The following VAMP7 variants were observed in gnomAD, a reference collection of about 807,000 sequenced individuals.
VAMP7 encodes vesicle-associated membrane protein 7.
A neutral mutation model predicts 29.6 loss-of-function variants in VAMP7; 14 were observed. That is an observed-to-expected ratio of 0.47 (90% CI 0.31 to 0.74). VAMP7 has a LOEUF of 0.74. Among genes scored for constraint, VAMP7 ranks in the 30% least tolerant of loss-of-function variants. VAMP7 has a pLI of 0.05. For missense variants in VAMP7, 223 were observed against 262.4 expected (o/e 0.85, Z 1.04); for synonymous variants, 95 against 88.1 (o/e 1.08, Z -0.44).
At chrX:155,895,382 G>T (rs1434701548) in intron 2 of VAMP7, among the ~76,000 whole-genome samples, 1 of 152,114 alleles carries the variant, frequency 6.6e-6, no homozygotes, top group African/African-American at 2.4e-5. Flanking sequence ...GTTCTAATGG[G>T]TAATACACAT....
At chrX:155,901,687 T>G (rs1394688263) in intron 5 of VAMP7, among the ~76,000 whole-genome samples, 1 of 152,136 alleles carries the variant, frequency 6.6e-6, no homozygotes, top group African/African-American at 2.4e-5. Flanking sequence ...GTTGTAGATA[T>G]GTGGCGTTAT....
intron 5 of VAMP7, among the ~76,000 whole-genome samples, chrX:155,919,488 A>C (rs1186499311): frequency 6.6e-6 from 1 of 152,168 alleles, no homozygotes; most frequent in African/African-American, 2.4e-5. Context: ...TTGGTTGGGC[A>C]GGGCACTTAG....
intron 5 of VAMP7, among the ~76,000 whole-genome samples, chrX:155,906,657 T>A (rs1292086538): frequency 6.6e-6 from 1 of 152,198 alleles, no homozygotes; most frequent in African/African-American, 2.4e-5. Flanking sequence ...TTTTATAAAT[T>A]GGTGTTGTAT....
intron 5 of VAMP7, among the ~76,000 whole-genome samples, chrX:155,901,689 T>C (rs1409436347): frequency 6.6e-6 from 1 of 152,098 alleles, no homozygotes; most frequent in African/African-American, 2.4e-5. Flanking sequence ...TGTAGATATG[T>C]GGCGTTATTT....
intron 5 of VAMP7, among the ~76,000 whole-genome samples, chrX:155,909,104 G>A (rs1282960759): frequency 6.6e-6 from 1 of 152,130 alleles, no homozygotes; most frequent in African/African-American, 2.4e-5. Context: ...TAGGATTACA[G>A]GCATGAGCCT....
At chrX:155,917,503 C>G (rs1448474116) in intron 5 of VAMP7, among the ~76,000 whole-genome samples, 2 of 152,134 alleles carry the variant, frequency 1.3e-5, no homozygotes, top group Non-Finnish European at 2.9e-5. Context: ...ATGTGGACAT[C>G]CTTTTTGTTG....
At chrX:155,881,964 C>T (rs2065807863) in intron 1 of VAMP7, among the ~76,000 whole-genome samples, 1 of 152,134 alleles carries the variant, frequency 6.6e-6, no homozygotes, top group Non-Finnish European at 1.5e-5. Context: ...AGCTTCAGAC[C>T]TGTTTGGTGT....
chrX:155,895,752 A>G (rs1331071460), intron 3 of VAMP7, 72 bp downstream of exon 3: 6 of 1,439,270 alleles, frequency 4.2e-6, no homozygotes. Flanking sequence ...AATTATCTAT[A>G]CCAGGGGTCC....
intron 5 of VAMP7, among the ~76,000 whole-genome samples, chrX:155,904,284 G>A (rs1451003460): frequency 6.6e-6 from 1 of 151,514 alleles, no homozygotes; most frequent in African/African-American, 2.4e-5. Flanking sequence ...CAGCACACCA[G>A]CATGGCACAT....
At chrX:155,889,151 T>C (rs1029769715) in intron 1 of VAMP7, among the ~76,000 whole-genome samples, 4 of 152,144 alleles carry the variant, frequency 2.6e-5, no homozygotes, top group African/African-American at 9.7e-5. Context: ...GTCATTGCTT[T>C]TCAAAAGGGT....
At chrX:155,940,272 C>T (rs936886011) in intron 7 of VAMP7, among the ~76,000 whole-genome samples, 3 of 152,082 alleles carry the variant, frequency 2.0e-5, no homozygotes, top group African/African-American at 7.2e-5. Flanking sequence ...GGGTGCTTTA[C>T]CCTGTTCATG....
chrX:155,883,051 T>A (rs1210036818), intron 1 of VAMP7, among the ~76,000 whole-genome samples: 1 of 152,218 alleles, frequency 6.6e-6, no homozygotes, highest in Non-Finnish European at 1.5e-5. Context: ...CATTTATTTA[T>A]ATCTGTCTTC....
chrX:155,915,768 G>C (rs1456490491), intron 5 of VAMP7, among the ~76,000 whole-genome samples: 1 of 152,138 alleles, frequency 6.6e-6, no homozygotes, highest in African/African-American at 2.4e-5. Flanking sequence ...TTGCTGAGGA[G>C]TGTTTTACTT....
At chrX:155,928,220 G>A (rs1398430577) in intron 6 of VAMP7, among the ~76,000 whole-genome samples, 2 of 152,108 alleles carry the variant, frequency 1.3e-5, no homozygotes, top group African/African-American at 4.8e-5. Flanking sequence ...ACCACACCTG[G>A]CCCCCTTTGG....
At chrX:155,883,785 A>C (rs1468776458) in intron 1 of VAMP7, among the ~76,000 whole-genome samples, 1 of 142,734 alleles carries the variant, frequency 7.0e-6, no homozygotes, top group Non-Finnish European at 1.5e-5. Flanking sequence ...ATCTCGGCTC[A>C]CTGCAACCTC....
intron 6 of VAMP7, among the ~76,000 whole-genome samples, chrX:155,929,592 C>A (rs920913285): frequency 2.0e-5 from 3 of 152,052 alleles, no homozygotes; most frequent in African/African-American, 7.2e-5. Flanking sequence ...CAAAATTTTT[C>A]TCTTCTGAAA....
intron 6 of VAMP7, among the ~76,000 whole-genome samples, chrX:155,925,490 C>T (rs1279945540): frequency 2.6e-5 from 4 of 152,192 alleles, no homozygotes; most frequent in African/African-American, 7.2e-5. Context: ...AGCGCACACC[C>T]GTGACACAGC....
At chrX:155,932,653 C>T (rs1292606814) in intron 6 of VAMP7, among the ~76,000 whole-genome samples, 2 of 152,152 alleles carry the variant, frequency 1.3e-5, no homozygotes, top group African/African-American at 2.4e-5. Context: ...CATCTGCAAA[C>T]AGGGACAATT....
intron 2 of VAMP7, among the ~76,000 whole-genome samples, chrX:155,890,237 A>G (rs2065911351): frequency 6.6e-6 from 1 of 152,130 alleles, no homozygotes; most frequent in African/African-American, 2.4e-5. Flanking sequence ...AGAGATGGGT[A>G]GAAGAAAAGT....
Sources: gnomAD v4.1 joint callset for allele counts (sites outside exome capture counted in the v4.1 genomes callset) on GRCh38, gnomAD v4.1.1 for gene constraint, MANE v1.5 for transcripts, NCBI Gene and HGNC (gene_info 2026-07-23, HGNC 2026-07-21) for gene names.